Variants in PPFIA2 observed in about 807,000 individuals in gnomAD.
PPFIA2 encodes the protein PPFI scaffold protein A2.
A neutral mutation model predicts 175.5 loss-of-function variants in PPFIA2; 46 were observed. The observed-to-expected ratio is 0.26, with a 90% CI of 0.21 to 0.34. The LOEUF is 0.34. Among genes scored for constraint, PPFIA2 ranks in the 10% least tolerant of loss-of-function variants. The pLI is 1.00. For missense variants in PPFIA2, 1,179 were observed against 1,506.1 expected (o/e 0.78, Z 3.60); for synonymous variants, 568 against 511.4 (o/e 1.11, Z -1.49).
At chr12:81,292,950 T>G (rs1042778806) in intron 24 of PPFIA2, 1 of 152,056 alleles carries the variant, frequency 6.6e-6, no homozygotes, top group African/African-American at 2.4e-5. Context: ...TATATAAGCC[T>G]TTTAAATTTG....
At chr12:81,295,143 A>C in intron 23 of PPFIA2, 108 bp from the exon 24 acceptor site, 2 of 960,218 alleles carry the variant, frequency 2.1e-6, no homozygotes, top group Non-Finnish European at 3.1e-6. Context: ...ACCTCACCCC[A>C]CGAGATAAAA....
chr12:81,667,482 TA>T (rs1242665702), intron 4 of PPFIA2, among the ~76,000 whole-genome samples: 2 of 152,208 alleles, frequency 1.3e-5, no homozygotes, highest in East Asian at 3.9e-4. Context: ...ACCATCTGAC[TA>T]TTCCTCCTGT....
chr12:81,619,806 C>T (rs1385253000), intron 4 of PPFIA2, among the ~76,000 whole-genome samples: 6 of 152,060 alleles, frequency 3.9e-5, no homozygotes, highest in Non-Finnish European at 8.8e-5. Flanking sequence ...TTAATATTCA[C>T]GATACTAAAT....
intron 4 of PPFIA2, among the ~76,000 whole-genome samples, chr12:81,478,320 G>A (rs371339828): frequency 6.6e-6 from 1 of 151,474 alleles, no homozygotes; most frequent in South Asian, 2.1e-4. Context: ...TTATTAGTCT[G>A]GCTAGCAGTC....
intron 3 of PPFIA2, among the ~76,000 whole-genome samples, chr12:81,701,807 T>A (rs1355137638): frequency 6.6e-6 from 1 of 151,932 alleles, no homozygotes; most frequent in African/African-American, 2.4e-5. Flanking sequence ...GCTTATTATT[T>A]GTGTTTCATT....
chr12:81,678,598 T>G (rs528831609), intron 3 of PPFIA2, among the ~76,000 whole-genome samples: 1 of 152,048 alleles, frequency 6.6e-6, no homozygotes, highest in East Asian at 1.9e-4. Context: ...ATATTTTTTC[T>G]CTACCCAGAA....
At chr12:81,740,140 A>G (rs183381264) in intron 3 of PPFIA2, among the ~76,000 whole-genome samples, 1 of 152,272 alleles carries the variant, frequency 6.6e-6, no homozygotes, top group East Asian at 1.9e-4. Context: ...AGGCCCAAGG[A>G]AGAAATTGCC....
At chr12:81,528,035 C>T (rs1567196750) in intron 4 of PPFIA2, among the ~76,000 whole-genome samples, 1 of 152,042 alleles carries the variant, frequency 6.6e-6, no homozygotes, top group African/African-American at 2.4e-5. Context: ...ATAATCACCA[C>T]CAATCACTCC....
At chr12:81,730,545 C>G (rs1197618263) in intron 3 of PPFIA2, among the ~76,000 whole-genome samples, 2 of 151,548 alleles carry the variant, frequency 1.3e-5, no homozygotes, top group African/African-American at 2.4e-5. Context: ...GGAAACCACT[C>G]CCATGATCCA....
At chr12:81,277,954 A>G (rs1264829946) in intron 27 of PPFIA2, among the ~76,000 whole-genome samples, 4 of 152,214 alleles carry the variant, frequency 2.6e-5, no homozygotes, top group African/African-American at 9.7e-5. Context: ...AATGAAAAGG[A>G]TATGTGGAAT....
At chr12:81,406,142 T>C (rs904294918) in intron 7 of PPFIA2, among the ~76,000 whole-genome samples, 4 of 152,172 alleles carry the variant, frequency 2.6e-5, no homozygotes, top group Non-Finnish European at 4.4e-5. Context: ...CACTGTAAAA[T>C]TTACCTAAGA....
Position 81,533,191 on chromosome 12 carries a change from A to G in PPFIA2, c.304-75325T>C, listed in dbSNP as rs542564973. On this transcript the variant is annotated intron_variant, in intron 4 of 32. Coordinates refer to ENST00000549396, the MANE Select transcript of PPFIA2 (RefSeq NM_003625.5). ...GGAAAGGGCATTGGATAAAATGTTC[A>G]AAATGCATTTAGGTATTGAAGTATA... Among the ~76,000 whole-genome samples, 579 of 151,830 alleles carry G rather than the reference A, an allele frequency of 3.8e-3. 3 individuals are homozygous for G. Among genetic ancestry groups the G allele is most frequent in the African/African-American group, 0.013 (542 of 41,488 alleles).
chr12:81,547,507 C>T (rs2067187253), intron 4 of PPFIA2, among the ~76,000 whole-genome samples: 1 of 152,126 alleles, frequency 6.6e-6, no homozygotes, highest in South Asian at 2.1e-4. Flanking sequence ...TCCTGAGTAG[C>T]TGGGATTACA....
intron 4 of PPFIA2, among the ~76,000 whole-genome samples, chr12:81,581,029 T>C (rs1366981496): frequency 1.3e-5 from 2 of 151,776 alleles, no homozygotes; most frequent in Non-Finnish European, 2.9e-5. Flanking sequence ...CACATTCATA[T>C]ATTGCACCGG....
At chr12:81,374,515 T>C (rs1004296352) in intron 11 of PPFIA2, 119 bp downstream of exon 11, 7 of 1,216,454 alleles carry the variant, frequency 5.8e-6, no homozygotes, top group Non-Finnish European at 6.7e-6. Flanking sequence ...AACAGCTCAA[T>C]ATAATAGAGA....
chr12:81,499,640 T>C (rs964038889), intron 4 of PPFIA2, among the ~76,000 whole-genome samples: 19 of 151,212 alleles, frequency 1.3e-4, no homozygotes, highest in Non-Finnish European at 2.4e-4. Flanking sequence ...ATTTTCTCTA[T>C]TTGACTGATG....
chr12:81,653,914 T>C (rs2067376949), intron 4 of PPFIA2, among the ~76,000 whole-genome samples: 1 of 152,086 alleles, frequency 6.6e-6, no homozygotes, highest in African/African-American at 2.4e-5. Flanking sequence ...ATAATATATG[T>C]ATATGTGAAT....
chr12:81,753,319 T>G (rs2084128626), intron 3 of PPFIA2, among the ~76,000 whole-genome samples: 1 of 91,954 alleles, frequency 1.1e-5, no homozygotes, highest in African/African-American at 3.4e-5. Flanking sequence ...ATCTTAGGAT[T>G]TTTTTTTTCT....
chr12:81,448,501 G>A (rs2051762797), intron 5 of PPFIA2, among the ~76,000 whole-genome samples: 2 of 152,110 alleles, frequency 1.3e-5, no homozygotes, highest in African/African-American at 4.8e-5. Context: ...TTATACCTCT[G>A]CTCAAATTTT....
Sources: allele counts gnomAD v4.1 joint callset (sites outside exome capture counted in the v4.1 genomes callset), GRCh38; gene constraint gnomAD v4.1.1; transcripts MANE v1.5; gene names NCBI Gene and HGNC (gene_info 2026-07-23, HGNC 2026-07-21).